C3: variants seen among roughly 807,000 people sequenced by gnomAD.
C3 encodes the protein C3 and PZP-like alpha-2-macroglobulin domain-containing protein 1.
A neutral mutation model predicts 207.9 loss-of-function variants in C3; 97 were observed. The ratio of observed to expected loss-of-function variants is 0.47; its 90% CI spans 0.40 to 0.55. The LOEUF is 0.55. C3 is among the 20% of genes least tolerant of loss of function. The pLI is 0.00. For synonymous variants in C3, 848 were observed against 857.6 expected, an observed-to-expected ratio of 0.99 and a Z score of 0.20; for missense variants, 1,684 against 2,171.7, an observed-to-expected ratio of 0.78 and a Z score of 4.46.
intron 24 of C3, among the ~76,000 whole-genome samples, chr19:6,694,148 T>C (rs11570241): frequency 1.2e-5 from 1 of 80,894 alleles, no homozygotes; most frequent in African/African-American, 5.0e-5. Flanking sequence ...CTGGGAGGAG[T>C]CAGGGCCTCA....
At chr19:6,709,991 A>AAGGGAGAGAGGGAGGGAAAGAG (rs1967869542) in intron 13 of C3, 149 bp from the exon 14 acceptor site, 2 of 340,488 alleles carry the variant, frequency 5.9e-6, no homozygotes, top group Admixed American at 4.3e-5. Context: ...GAGAGAGAGA[A>AAGGGAGAGAGGGAGGGAAAGAG]AGGGAGAGAG....
intron 17 of C3, among the ~76,000 whole-genome samples, chr19:6,704,857 CACT>C (rs748707569): frequency 6.6e-6 from 1 of 151,032 alleles, no homozygotes; most frequent in Non-Finnish European, 1.5e-5. Context: ...GAGGTTGTGC[CACT>C]GTACTTCAGC....
At chr19:6,716,816 A>G (rs914177102) in intron 4 of C3, 3 of 151,624 alleles carry the variant, frequency 2.0e-5, no homozygotes, top group Non-Finnish European at 4.4e-5. Flanking sequence ...TGTAGCGGGG[A>G]GGGGGGACGC....
rs1380326480 is a variant in C3 at position 6,712,500 on chromosome 19, G to T, written c.1119+8C>A. On this transcript the variant is annotated splice_region_variant and intron_variant, in intron 10 of 40. Transcript: ENST00000245907. ...AGGAGTGGGACCCCTTCCCGCCCCG[G>T]GTCTCACCATGAGGTCAAAGGGCAT... is the stretch of plus-strand genomic sequence containing the variant. 6.2e-7 allele frequency: 1 copy of T among 1,614,006 alleles called. No individual in the cohort carries two copies. Among genetic ancestry groups the T allele is most frequent in the Non-Finnish European group, 8.5e-7 (1 of 1,179,858 alleles).
At chr19:6,707,359 T>A in intron 16 of C3, 86 bp from the exon 17 acceptor site, 7 of 1,595,364 alleles carry the variant, frequency 4.4e-6, no homozygotes, top group Non-Finnish European at 6.0e-6. Flanking sequence ...AGGGAGGACT[T>A]CCCCGCCGCC....
At position 6,712,343 on chromosome 19, in the gene C3, C is replaced by T. The variant is rs775755257; in HGVS notation, c.1183G>A (p.Asp395Asn). Reference sequence around the variant, plus strand: ...CCCTGGGTTAGAGACTGCACAGTGTCCTCGCCCTGGACTGCCACGGGGACT... The same window carrying T: ...CCCTGGGTTAGAGACTGCACAGTGTTCTCGCCCTGGACTGCCACGGGGACT... ...YRVPVAVQGE[D>N]TVQSLTQGDG... The change falls in exon 11 of 41, where the codon GAC becomes AAC. Residue 395 changes from aspartate to asparagine, a missense_variant. Asp to Asn is a conservative substitution (Grantham distance 23). Around this residue, in one of 3 missense-constraint regions of C3, gnomAD observed 1,280 missense variants for 1,739.1 expected, o/e 0.74. Coordinates refer to ENST00000245907, the MANE Select transcript of C3 (RefSeq NM_000064.4). The T allele has an allele frequency of 4.3e-6, 7 of 1,614,140 alleles. No individual in the cohort carries two copies. The South Asian group carries it at 5.5e-5, about 13-fold the overall frequency.
At chr19:6,720,170 A>G (rs11569399) in intron 1 of C3, among the ~76,000 whole-genome samples, 135 of 152,200 alleles carry the variant, frequency 8.9e-4, no homozygotes, top group African/African-American at 3.1e-3. Flanking sequence ...TGGATTCCAC[A>G]AACACCCAAC....
At chr19:6,697,045 A>AAAAAAAAAAAAAAAAT in intron 21 of C3, among the ~76,000 whole-genome samples, 1 of 107,428 alleles carries the variant, frequency 9.3e-6, no homozygotes, top group Admixed American at 1.1e-4. Flanking sequence ...CTGTCTCAAA[A>AAAAAAAAAAAAAAAAT]AAATAAACAA....
chr19:6,702,850 A>C, intron 17 of C3: 1 of 386,804 alleles, frequency 2.6e-6, no homozygotes, highest in Admixed American at 3.6e-5. Flanking sequence ...CCTGGACAAC[A>C]TGGTGAAACC....
chr19:6,696,443 G>A lies in C3; in HGVS notation c.2886C>T (p.Ile962=), dbSNP rs1288358939. The A allele has an allele frequency of 1.9e-6, 3 of 1,613,488 alleles. No individual in the cohort carries two copies. Among genetic ancestry groups the A allele is most frequent in the Non-Finnish European group, 1.7e-6 (2 of 1,179,624 alleles). The change falls in exon 23 of 41, where the codon ATC becomes ATT. Residue 962 remains isoleucine (I), a synonymous_variant. Transcript: ENST00000245907. ...LGREGVQKED[I]PPADLSDQVP... is the part of the protein sequence containing the mutation. Reference sequence around the variant, plus strand: ...CTTGGTCACTGAGGTCTGCAGGTGGGATGTCCTCTTTCTGCACTCCTTCTG... The same window carrying A: ...CTTGGTCACTGAGGTCTGCAGGTGGAATGTCCTCTTTCTGCACTCCTTCTG...
rs149850773 is a variant in C3 at position 6,707,866 on chromosome 19, C to G, written c.1909G>C (p.Gly637Arg). The change falls in exon 15 of 41, where the codon GGT becomes CGT. Residue 637 changes from glycine to arginine, a missense_variant. Coordinates refer to ENST00000245907, the MANE Select transcript of C3 (RefSeq NM_000064.4). Reference sequence around the variant, plus strand: ...GTCAGCCCTGCGTCGGAGAAGACACCGGCGTAATCCTTCCCACTGCCCGGG... The same window carrying G: ...GTCAGCCCTGCGTCGGAGAAGACACGGGCGTAATCCTTCCCACTGCCCGGG... The part of the protein sequence containing the change: ...CTPGSGKDYA[G>R]VFSDAGLTFT... 2.1e-4 allele frequency: 331 copies of G among 1,613,848 alleles called. No individual in the cohort carries two copies. The highest frequency in any genetic ancestry group is 8.7e-4 in the Admixed American group (52 of 60,002).
chr19:6,693,650 G>A (rs998072501), intron 24 of C3, among the ~76,000 whole-genome samples, 163 bp from the exon 25 acceptor site: 2 of 151,712 alleles, frequency 1.3e-5, no homozygotes. Flanking sequence ...AGAGGGTGGG[G>A]GATCAGAACG....
In C3 at chr19:6,719,382, G is replaced by A. The variant is rs1209083437; in HGVS notation, c.96C>T (p.Asn32=). 6.2e-7 allele frequency: 1 copy of A among 1,613,986 alleles called. No individual in the cohort carries two copies. The highest frequency in any genetic ancestry group is 8.5e-7 in the Non-Finnish European group (1 of 1,179,948). Residue 32 remains asparagine, a synonymous_variant, in exon 2 of 41, where the codon AAC becomes AAT. Coordinates refer to ENST00000245907, the MANE Select transcript of C3 (RefSeq NM_000064.4). The surrounding 1 kb of genome is among the most constrained non-coding windows in gnomAD (Gnocchi z 5.4). ...GSPMYSIITP[N]ILRLESEETM... Reference sequence around the variant, plus strand: ...TCTCCTCGCTCTCCAGCCGCAAGATGTTGGGGGTGATGATAGAGTACCTGT... The same window carrying A: ...TCTCCTCGCTCTCCAGCCGCAAGATATTGGGGGTGATGATAGAGTACCTGT...
At chr19:6,688,797 C>G (rs1488261860) in intron 27 of C3, among the ~76,000 whole-genome samples, 2 of 152,178 alleles carry the variant, frequency 1.3e-5, no homozygotes, top group African/African-American at 4.8e-5. Flanking sequence ...TTTGTAAGAA[C>G]TTCTTCTCCC....
chr19:6,694,317 G>T (rs966124865), intron 24 of C3, 114 bp downstream of exon 24: 4 of 900,410 alleles, frequency 4.4e-6, no homozygotes, highest in African/African-American at 1.6e-5. Context: ...GAGTGGCTAG[G>T]AGAGAAGGTG....
At position 6,677,795 on chromosome 19, in the gene C3, G is replaced by A; in HGVS notation, c.*87C>T. ...CTGAGCTGCAGGTGAGGCGGCTGGG[G>A]ATTTCAGCCTCTCCCTCTTGGCAAA... is the stretch of plus-strand genomic sequence containing the variant. On this transcript the variant is annotated 3_prime_UTR_variant, in exon 41 of 41. Transcript: ENST00000245907. The A allele has an allele frequency of 1.3e-6, 2 of 1,536,958 alleles. No homozygotes were observed. Among genetic ancestry groups the A allele is most frequent in the South Asian group, 1.1e-5 (1 of 88,714 alleles).
At chr19:6,699,530 G>C (rs1193921533) in intron 19 of C3, among the ~76,000 whole-genome samples, 1 of 151,994 alleles carries the variant, frequency 6.6e-6, no homozygotes, top group African/African-American at 2.4e-5. Flanking sequence ...TTGAGGCCAG[G>C]AGTTTGAGAC....
chr19:6,717,753 G>GTT, intron 4 of C3: 1 of 411,960 alleles, frequency 2.4e-6, no homozygotes, highest in East Asian at 5.0e-5. Context: ...TTGTGTGTGT[G>GTT]GTCATGCACG....
intron 19 of C3, among the ~76,000 whole-genome samples, chr19:6,701,845 T>C (rs1416118949): frequency 6.6e-6 from 1 of 152,132 alleles, no homozygotes; most frequent in African/African-American, 2.4e-5. Flanking sequence ...AAATAAGCAT[T>C]GCTACTACTA....
Sources: gnomAD v4.1 joint callset for allele counts (sites outside exome capture counted in the v4.1 genomes callset) on GRCh38, gnomAD v4.1.1 for gene constraint, gnomAD v4.1.1 regional missense constraint, Gnocchi (gnomAD v3.1) non-coding constraint, MANE v1.5 for transcripts, NCBI Gene and HGNC (gene_info 2026-07-23, HGNC 2026-07-21) for gene names.